The following SLC24A2 variants were observed in gnomAD, a reference collection of about 807,000 sequenced individuals.
The protein encoded by SLC24A2 is solute carrier family 24 member 2.
Under a neutral mutation model 62.0 loss-of-function variants are expected in SLC24A2, and 36 were observed. That is an observed-to-expected ratio of 0.58 (90% CI 0.44 to 0.77). The LOEUF is 0.77. Ranked by LOEUF, SLC24A2 falls within the 30% of genes least tolerant of loss-of-function variation. The pLI is 0.00. For missense variants in SLC24A2, 846 were observed against 817.9 expected (o/e 1.03, Z -0.42); for synonymous variants, 358 against 294.0 (o/e 1.22, Z -2.23).
intron 7 of SLC24A2, among the ~76,000 whole-genome samples, chr9:19,568,665 T>G (rs573979611): frequency 6.6e-5 from 10 of 152,368 alleles, no homozygotes; most frequent in African/African-American, 1.9e-4. Flanking sequence ...AGCTAGGATT[T>G]GAATTCAGGT....
At chr9:19,725,136 TC>T (rs1821134464) in intron 2 of SLC24A2, among the ~76,000 whole-genome samples, 1 of 152,142 alleles carries the variant, frequency 6.6e-6, no homozygotes, top group African/African-American at 2.4e-5. Context: ...TATTTGATTG[TC>T]CCAACTGGAG....
At chr9:20,059,705 ATC>A in the SLC24A2 span, among the ~76,000 whole-genome samples, 1 of 152,102 alleles carries the variant, frequency 6.6e-6, no homozygotes, top group Non-Finnish European at 1.5e-5. Context: ...AAGAAGAAAG[ATC>A]TCTCGCAAAT....
At chr9:19,658,016 C>T (rs1344332703) in intron 2 of SLC24A2, among the ~76,000 whole-genome samples, 1 of 152,190 alleles carries the variant, frequency 6.6e-6, no homozygotes, top group Non-Finnish European at 1.5e-5. Flanking sequence ...TCCTGCTAGA[C>T]TGTGAGTTCC....
the SLC24A2 span, among the ~76,000 whole-genome samples, chr9:20,204,371 T>C: frequency 6.6e-6 from 1 of 152,236 alleles, no homozygotes; most frequent in Non-Finnish European, 1.5e-5. Flanking sequence ...TTTTGCCTTA[T>C]AAACAGAAGA....
Position 19,510,301 on chromosome 9 carries a change from A to G in SLC24A2, c.*5852T>C, listed in dbSNP as rs1832668575. On this transcript the variant is annotated 3_prime_UTR_variant, in exon 11 of 11. Transcript: ENST00000341998. ...GGCTTAGTAGAGAGGAACTATAAAA[A>G]TTATTAAGAGGGTTAAAGACTCAAA... 1 of 151,908 alleles carries G rather than the reference A, an allele frequency of 6.6e-6. No homozygotes were observed. The allele number at this position is 151,908 out of a possible 1,614,324, so 9.4% of individuals were successfully genotyped here. A position where few individuals can be genotyped will look rare whatever the true frequency, so the allele number is the denominator to read the frequency against.
intron 2 of SLC24A2, among the ~76,000 whole-genome samples, chr9:19,707,672 G>T (rs560030743): frequency 6.6e-6 from 1 of 152,156 alleles, no homozygotes; most frequent in Non-Finnish European, 1.5e-5. Flanking sequence ...TATCTCAATA[G>T]ATGCAGAAAA....
intron 8 of SLC24A2, among the ~76,000 whole-genome samples, chr9:19,528,705 C>T (rs774545829): frequency 1.3e-5 from 2 of 152,162 alleles, no homozygotes; most frequent in Non-Finnish European, 2.9e-5. Context: ...ACCACCACAA[C>T]TTTTATAGAT....
intron 2 of SLC24A2, among the ~76,000 whole-genome samples, chr9:19,679,838 C>CTGTGTGTGTGTGTGTGTGTG: frequency 7.0e-6 from 1 of 142,490 alleles, no homozygotes; most frequent in Non-Finnish European, 1.5e-5. Flanking sequence ...CTCACATATA[C>CTGTGTGTGTGTGTGTGTGTG]TGTGTGTGTG....
At chr9:20,292,392 G>T in the SLC24A2 span, among the ~76,000 whole-genome samples, 4 of 152,318 alleles carry the variant, frequency 2.6e-5, no homozygotes, top group Non-Finnish European at 2.9e-5. Context: ...AAGGTGAAGA[G>T]AAGAGTAGGG....
chr9:19,998,543 G>A, the SLC24A2 span, among the ~76,000 whole-genome samples: 4 of 152,180 alleles, frequency 2.6e-5, no homozygotes, highest in African/African-American at 4.8e-5. Flanking sequence ...CCTGCCCAGT[G>A]AAAAGAGCAG....
chr9:19,874,737 C>T, the SLC24A2 span, among the ~76,000 whole-genome samples: 1 of 152,150 alleles, frequency 6.6e-6, no homozygotes, highest in Non-Finnish European at 1.5e-5. Flanking sequence ...GTCCTGATCT[C>T]TGAGGTCAGC....
chr9:19,909,634 A>T, the SLC24A2 span, among the ~76,000 whole-genome samples: 2 of 152,120 alleles, frequency 1.3e-5, no homozygotes, highest in Non-Finnish European at 2.9e-5. Flanking sequence ...TGTTTATGCA[A>T]ACTCATCTCT....
chr9:19,972,400 T>C, the SLC24A2 span, among the ~76,000 whole-genome samples: 1 of 152,196 alleles, frequency 6.6e-6, no homozygotes, highest in African/African-American at 2.4e-5. Flanking sequence ...GAAGAGGTGG[T>C]ACTTCCTTAT....
chr9:20,117,435 A>G, the SLC24A2 span, among the ~76,000 whole-genome samples: 1 of 152,116 alleles, frequency 6.6e-6, no homozygotes. Context: ...CTATGTCTTT[A>G]CTATGACAAC....
intron 7 of SLC24A2, among the ~76,000 whole-genome samples, chr9:19,551,915 A>G (rs1413310602): frequency 1.3e-5 from 2 of 152,234 alleles, no homozygotes. Flanking sequence ...ATGCGAAGCC[A>G]TATTGAAAAG....
chr9:19,609,730 G>A (rs1043983505), intron 4 of SLC24A2, among the ~76,000 whole-genome samples: 9 of 152,078 alleles, frequency 5.9e-5, no homozygotes, highest in South Asian at 2.1e-4. Context: ...AGTCCCCAGC[G>A]TTTTTGACAC....
chr9:19,700,008 C>T (rs1466284333), intron 2 of SLC24A2, among the ~76,000 whole-genome samples: 5 of 152,032 alleles, frequency 3.3e-5, no homozygotes, highest in African/African-American at 4.8e-5. Flanking sequence ...AAAAGAGTCC[C>T]GAGCCTCTGT....
At chr9:20,187,265 C>T in the SLC24A2 span, among the ~76,000 whole-genome samples, 6 of 152,160 alleles carry the variant, frequency 3.9e-5, no homozygotes, top group Non-Finnish European at 7.3e-5. Context: ...ATAAGACCTA[C>T]TTTTTAAAAA....
the SLC24A2 span, among the ~76,000 whole-genome samples, chr9:20,082,043 G>C: frequency 2.6e-5 from 4 of 152,022 alleles, no homozygotes; most frequent in Non-Finnish European, 5.9e-5. Context: ...TGAAATCCTG[G>C]CTTGATGAGG....
Sources: gnomAD v4.1 joint callset for allele counts (sites outside exome capture counted in the v4.1 genomes callset) on GRCh38, gnomAD v4.1.1 for gene constraint, MANE v1.5 for transcripts, NCBI Gene and HGNC (gene_info 2026-07-23, HGNC 2026-07-21) for gene names.